Variants in SCN3B observed in about 807,000 individuals in gnomAD.
SCN3B encodes sodium voltage-gated channel beta subunit 3.
SCN3B carries 11 observed loss-of-function variants against 25.4 expected under a neutral mutation model. That is an observed-to-expected ratio of 0.43 (90% CI 0.27 to 0.72). The LOEUF is 0.72. Ranked by LOEUF, SCN3B falls within the 30% of genes least tolerant of loss-of-function variation. The pLI, the probability that SCN3B is intolerant of heterozygous loss-of-function variation, is 0.18. For missense variants in SCN3B, 218 were observed against 278.3 expected, an observed-to-expected ratio of 0.78 and a Z score of 1.54; for synonymous variants, 109 against 110.7, an observed-to-expected ratio of 0.99 and a Z score of 0.09.
At chr11:123,636,754 CGT>C (rs964356839) in intron 5 of SCN3B, among the ~76,000 whole-genome samples, 2 of 151,764 alleles carry the variant, frequency 1.3e-5, no homozygotes, top group African/African-American at 4.8e-5. Flanking sequence ...AGGGCAGTGC[CGT>C]GATCTCGGCT....
rs1955660090 is a variant in SCN3B at position 123,630,642 on chromosome 11, A to C, written c.*3157T>G. On this transcript the variant is annotated 3_prime_UTR_variant, in exon 7 of 7. Transcript: ENST00000299333. ...AGTACCTTATTGATTTACAGTCATTATCAAATCTCCCAGGAAGGAGTTTAA... is the reference window on the plus strand; with the variant it reads ...AGTACCTTATTGATTTACAGTCATTCTCAAATCTCCCAGGAAGGAGTTTAA... 6.6e-6 allele frequency: 1 copy of C among 152,420 alleles called. No individual in the cohort carries two copies. Among genetic ancestry groups the C allele is most frequent in the Non-Finnish European group, 1.5e-5 (1 of 68,042 alleles). 9.4% of individuals were successfully genotyped at this position (152,420 alleles called of 1,614,324 possible). A position where few individuals can be genotyped will look rare whatever the true frequency, so the allele number is the denominator to read the frequency against.
chr11:123,637,444 G>C (rs1270927202), intron 5 of SCN3B, among the ~76,000 whole-genome samples: 1 of 152,166 alleles, frequency 6.6e-6, no homozygotes, highest in Admixed American at 6.5e-5. Flanking sequence ...CTTACCATCT[G>C]TGTGCCTTGG....
intron 2 of SCN3B, among the ~76,000 whole-genome samples, chr11:123,647,537 T>G (rs1429307053): frequency 6.6e-6 from 1 of 151,744 alleles, no homozygotes; most frequent in Non-Finnish European, 1.5e-5. Context: ...ACTTTGAAGA[T>G]CCCTTCTGAT....
chr11:123,653,694 G>T (rs1955958169), intron 2 of SCN3B, 53 bp downstream of exon 2: 2 of 1,588,506 alleles, frequency 1.3e-6, no homozygotes, highest in Non-Finnish European at 1.7e-6. Context: ...TGTTATTATT[G>T]TTAGCATTGT....
chr11:123,651,412 G>A (rs1955924507), intron 2 of SCN3B, among the ~76,000 whole-genome samples: 1 of 151,798 alleles, frequency 6.6e-6, no homozygotes, highest in Non-Finnish European at 1.5e-5. Context: ...TGCCCACGCT[G>A]GAGTGCAGTG....
At position 123,650,116 on chromosome 11, in the gene SCN3B, T is replaced by G. The variant is rs1346859947; in HGVS notation, c.55+3631A>C. Among the ~76,000 whole-genome samples the G allele has an allele frequency of 2.0e-5, 3 of 152,214 alleles. No individual in the cohort carries two copies. The East Asian group carries it at 5.8e-4, about 29-fold the overall frequency. The stretch of plus-strand genomic sequence containing the variant: ...AAGTAACAAACTCTTGGAATAATGT[T>G]GACCAAATCATTTGACCTTTGTTCT... On this transcript the variant is annotated intron_variant, in intron 2 of 6. Transcript: ENST00000299333.
intron 3 of SCN3B, among the ~76,000 whole-genome samples, chr11:123,644,490 G>A (rs1195670541): frequency 1.3e-5 from 2 of 152,060 alleles, no homozygotes; most frequent in African/African-American, 4.8e-5. Flanking sequence ...TATGACAGCC[G>A]ACCAGGCACG....
chr11:123,641,595 A>G (rs896232350), intron 4 of SCN3B, among the ~76,000 whole-genome samples: 1 of 152,146 alleles, frequency 6.6e-6, no homozygotes, highest in Non-Finnish European at 1.5e-5. Flanking sequence ...AGACTGAGAA[A>G]GGCTGGAACT....
At chr11:123,653,025 A>C (rs1393130525) in intron 2 of SCN3B, among the ~76,000 whole-genome samples, 1 of 152,122 alleles carries the variant, frequency 6.6e-6, no homozygotes, top group Non-Finnish European at 1.5e-5. Context: ...TGGAGGGGGA[A>C]GGTCACCTCA....
chr11:123,637,382 G>A (rs1955740967), intron 5 of SCN3B, among the ~76,000 whole-genome samples: 1 of 152,196 alleles, frequency 6.6e-6, no homozygotes, highest in Admixed American at 6.5e-5. Flanking sequence ...GAGATAGAAA[G>A]AGCATGGACA....
intron 2 of SCN3B, among the ~76,000 whole-genome samples, chr11:123,652,521 C>G (rs1479164411): frequency 6.6e-6 from 1 of 152,180 alleles, no homozygotes; most frequent in Non-Finnish European, 1.5e-5. Flanking sequence ...GAGGCAGCTC[C>G]CATCAGCATG....
chr11:123,638,763 T>A (rs889955955), intron 4 of SCN3B: 4 of 263,094 alleles, frequency 1.5e-5, no homozygotes, highest in Non-Finnish European at 3.0e-5. Flanking sequence ...TCTACACAGA[T>A]GTAAGGAACA....
intron 5 of SCN3B, among the ~76,000 whole-genome samples, chr11:123,637,156 A>G (rs992536048): frequency 1.3e-5 from 2 of 151,958 alleles, no homozygotes; most frequent in Non-Finnish European, 2.9e-5. Context: ...TACAGACCCC[A>G]CCGTTTCTCA....
At position 123,651,437 on chromosome 11, in the gene SCN3B, C is replaced by G. The variant is rs916683016; in HGVS notation, c.55+2310G>C. ...GGAGTGCAGTGGCACAATCTTGGCT[C>G]ACTGCAACCTCCACCTCCCAGGTTC... On this transcript the variant is annotated intron_variant, in intron 2 of 6. Coordinates refer to ENST00000299333, the MANE Select transcript of SCN3B (RefSeq NM_001040151.2). Among the ~76,000 whole-genome samples, 5 of 151,950 alleles carry G rather than the reference C, an allele frequency of 3.3e-5. No individual in the cohort carries two copies. The East Asian group carries it at 9.6e-4, about 29-fold the overall frequency.
At chr11:123,649,554 T>C (rs1234440784) in intron 2 of SCN3B, among the ~76,000 whole-genome samples, 1 of 152,264 alleles carries the variant, frequency 6.6e-6, no homozygotes, top group Non-Finnish European at 1.5e-5. Flanking sequence ...TAATGTCTGT[T>C]TCTCCATCCT....
At position 123,634,192 on chromosome 11, in the gene SCN3B, G is replaced by A; in HGVS notation, c.599C>T (p.Ala200Val). The change falls in exon 6 of 7, where the codon GCC becomes GTC. Residue 200 changes from alanine to valine, a missense_variant. By Grantham distance (64) the Ala-to-Val change is moderately conservative. Transcript: ENST00000299333. ...AAQENASDYL[A>V]IPSENKENSA... The stretch of plus-strand genomic sequence containing the variant: ...GTTCTCCTTGTTCTCAGATGGGATG[G>A]CAAGGTAGTCAGACCTATAGAGGAC... The A allele has an allele frequency of 6.2e-7, 1 of 1,613,622 alleles. No homozygotes were observed. The highest frequency in any genetic ancestry group is 1.1e-5 in the South Asian group (1 of 91,074).
At chr11:123,641,468 G>A (rs928622690) in intron 4 of SCN3B, among the ~76,000 whole-genome samples, 1 of 152,146 alleles carries the variant, frequency 6.6e-6, no homozygotes, top group Non-Finnish European at 1.5e-5. Context: ...TAAACCTGTG[G>A]CCTGGAGGTT....
intron 1 of SCN3B, 80 bp from the exon 2 acceptor site, chr11:123,653,906 C>G (rs1481686948): frequency 1.7e-5 from 23 of 1,322,084 alleles, no homozygotes; most frequent in Admixed American, 1.4e-4. Context: ...GAACTGCCCC[C>G]AGGGGGCGAC....
intron 2 of SCN3B, among the ~76,000 whole-genome samples, chr11:123,652,214 C>T (rs1455380303): frequency 6.6e-6 from 1 of 152,210 alleles, no homozygotes; most frequent in Non-Finnish European, 1.5e-5. Context: ...TTCTAAGCCT[C>T]GTGTCCTCAG....
Sources: gnomAD v4.1 joint callset for allele counts (sites outside exome capture counted in the v4.1 genomes callset) on GRCh38, gnomAD v4.1.1 for gene constraint, MANE v1.5 for transcripts, NCBI Gene and HGNC (gene_info 2026-07-23, HGNC 2026-07-21) for gene names.